The following RBFOX1 variants were observed in gnomAD, a reference collection of about 807,000 sequenced individuals.
RBFOX1 encodes RNA binding protein fox-1 homolog 1.
In RBFOX1, 8 loss-of-function variants were observed where a neutral mutation model predicts 57.7. The observed-to-expected ratio is 0.14, with a 90% CI of 0.08 to 0.25. RBFOX1 has a LOEUF of 0.25. Among genes scored for constraint, RBFOX1 ranks in the 10% least tolerant of loss-of-function variants. RBFOX1 has a pLI of 1.00. For synonymous variants in RBFOX1, 326 were observed against 222.4 expected (o/e 1.47, Z -4.15); for missense variants, 611 against 548.5 (o/e 1.11, Z -1.14).
intron 2 of RBFOX1, among the ~76,000 whole-genome samples, chr16:6,389,697 C>T (rs933131755): frequency 2.0e-5 from 3 of 152,098 alleles, no homozygotes; most frequent in Admixed American, 6.5e-5. Flanking sequence ...TAATCAATGA[C>T]GAACCTCGTG....
At chr16:7,638,779 A>G (rs1384822658) in intron 11 of RBFOX1, among the ~76,000 whole-genome samples, 3 of 152,146 alleles carry the variant, frequency 2.0e-5, no homozygotes, top group South Asian at 2.1e-4. Context: ...CTGTGTTCCA[A>G]TAAAACTTTA....
intron 2 of RBFOX1, among the ~76,000 whole-genome samples, chr16:6,396,767 G>A (rs1486258630): frequency 6.6e-6 from 1 of 152,068 alleles, no homozygotes; most frequent in African/African-American, 2.4e-5. Context: ...ATTACTCATA[G>A]TCATGAGAAG....
chr16:7,675,471 C>G (rs1034537233), intron 13 of RBFOX1, among the ~76,000 whole-genome samples: 1 of 151,268 alleles, frequency 6.6e-6, no homozygotes, highest in Non-Finnish European at 1.5e-5. Flanking sequence ...TTGGATGTGT[C>G]TTCTCCAGGA....
intron 3 of RBFOX1, among the ~76,000 whole-genome samples, chr16:6,895,355 C>A (rs982296604): frequency 6.7e-6 from 1 of 148,912 alleles, no homozygotes; most frequent in Non-Finnish European, 1.5e-5. Context: ...TGGAACTAAG[C>A]AGATAGGAGA....
chr16:6,934,910 A>T (rs1365238988), intron 3 of RBFOX1, among the ~76,000 whole-genome samples: 1 of 152,038 alleles, frequency 6.6e-6, no homozygotes, highest in East Asian at 1.9e-4. Context: ...ACATGGTGAA[A>T]CCCTGTCTCT....
intron 1 of RBFOX1, among the ~76,000 whole-genome samples, chr16:6,213,345 C>G (rs1042842015): frequency 1.3e-5 from 2 of 152,054 alleles, no homozygotes; most frequent in Non-Finnish European, 2.9e-5. Flanking sequence ...AGGAAAGGCA[C>G]CATTTTGGGG....
chr16:6,408,176 A>G (rs1356295926), intron 2 of RBFOX1, among the ~76,000 whole-genome samples: 1 of 152,126 alleles, frequency 6.6e-6, no homozygotes, highest in East Asian at 1.9e-4. Context: ...TGTTGTTAAT[A>G]AGCCACTGTG....
rs140783362 is a variant in RBFOX1, at chr16:7,667,903, A to C, written c.930+2935A>C. 1.9e-3 allele frequency among the ~76,000 whole-genome samples: 290 copies of C among 152,184 alleles called. 2 individuals carry two copies. Among genetic ancestry groups the C allele is most frequent in the African/African-American group, 6.8e-3 (281 of 41,520 alleles). ...TGGCCAGGGTGGTCTGGAACTCCTG[A>C]CCTCAAGTGATCCATCCGCCTCGGT... On this transcript the variant is annotated intron_variant, in intron 13 of 15. Coordinates refer to ENST00000550418, the MANE Select transcript of RBFOX1 (RefSeq NM_018723.4).
chr16:6,073,688 G>T (rs1431053193), intron 1 of RBFOX1, among the ~76,000 whole-genome samples: 2 of 152,094 alleles, frequency 1.3e-5, no homozygotes, highest in African/African-American at 2.4e-5. Context: ...CTATTTTATT[G>T]TAAGTGTATA....
chr16:6,009,772 G>A (rs979729475), intron 4 of RBFOX1, among the ~76,000 whole-genome samples: 2 of 151,344 alleles, frequency 1.3e-5, no homozygotes, highest in Non-Finnish European at 2.9e-5. Flanking sequence ...TCAGGCATTT[G>A]GAACATCTGT....
chr16:6,674,952 C>G (rs1454440269), intron 3 of RBFOX1, among the ~76,000 whole-genome samples: 3 of 152,146 alleles, frequency 2.0e-5, no homozygotes. Context: ...GTCACCCAGG[C>G]TGGAGTGCAG....
chr16:5,470,701 G>C (rs1170321537), intron 2 of RBFOX1, among the ~76,000 whole-genome samples: 2 of 152,028 alleles, frequency 1.3e-5, no homozygotes, highest in African/African-American at 2.4e-5. Flanking sequence ...GAGGTAACCT[G>C]CCCACAGTCA....
At chr16:5,567,260 C>G (rs1229821707) in intron 2 of RBFOX1, among the ~76,000 whole-genome samples, 1 of 152,190 alleles carries the variant, frequency 6.6e-6, no homozygotes, top group Non-Finnish European at 1.5e-5. Flanking sequence ...CCCATGTGGA[C>G]ACGTGCAGCT....
intron 1 of RBFOX1, among the ~76,000 whole-genome samples, chr16:5,323,845 T>G (rs59306741): frequency 6.6e-6 from 1 of 152,144 alleles, no homozygotes; most frequent in Non-Finnish European, 1.5e-5. Flanking sequence ...CCCTGTAACA[T>G]AGACTGGGGA....
intron 3 of RBFOX1, among the ~76,000 whole-genome samples, chr16:6,687,331 G>T (rs529479123): frequency 1.3e-5 from 2 of 152,098 alleles, no homozygotes; most frequent in South Asian, 4.2e-4. Flanking sequence ...CTGCATATTA[G>T]GTACAATGTA....
At chr16:5,556,623 C>G (rs1378034289) in intron 2 of RBFOX1, among the ~76,000 whole-genome samples, 6 of 152,264 alleles carry the variant, frequency 3.9e-5, no homozygotes, top group African/African-American at 1.4e-4. Context: ...TGCCAACCCT[C>G]TCCCTCTTGG....
In RBFOX1 at chr16:7,028,458, A is replaced by G. The variant is rs559067614; in HGVS notation, c.-15-23599A>G. ...TAAAATTAGCTGGGCGTGGTGGCTC[A>G]TGCCTGTAATCCCAGCTCCTTGGGA... On this transcript the variant is annotated intron_variant, in intron 3 of 15. Transcript: ENST00000550418. Among the ~76,000 whole-genome samples the G allele has an allele frequency of 3.6e-4, 55 of 151,846 alleles. 1 individual carries two copies. Among genetic ancestry groups the G allele is most frequent in the African/African-American group, 1.3e-3 (54 of 41,390 alleles).
intron 1 of RBFOX1, among the ~76,000 whole-genome samples, chr16:5,386,083 T>C (rs1185778636): frequency 6.7e-6 from 1 of 150,220 alleles, no homozygotes; most frequent in African/African-American, 2.5e-5. Context: ...ATAATCCTGT[T>C]TTGAACTTGG....
chr16:7,698,493 C>T (rs923443797), intron 14 of RBFOX1, among the ~76,000 whole-genome samples: 2 of 152,096 alleles, frequency 1.3e-5, no homozygotes, highest in African/African-American at 4.8e-5. Context: ...AAGGAGGTGT[C>T]ACCAGCGCCT....
Sources: gnomAD v4.1 joint callset for allele counts (sites outside exome capture counted in the v4.1 genomes callset) on GRCh38, gnomAD v4.1.1 for gene constraint, MANE v1.5 for transcripts, NCBI Gene and HGNC (gene_info 2026-07-23, HGNC 2026-07-21) for gene names.